Variants in CABP4 observed in about 807,000 individuals in gnomAD.
The protein encoded by CABP4 is calcium-binding protein 4.
A neutral mutation model predicts 30.7 loss-of-function variants in CABP4; 30 were observed. The observed-to-expected ratio is 0.98, with a 90% CI of 0.73 to 1.33. CABP4 has a LOEUF of 1.33. CABP4 is among the 40% of genes most tolerant of loss of function. The probability of loss-of-function intolerance (pLI) is 0.00; values close to 1 mark genes in which losing one functional copy is unlikely to be tolerated. For missense variants in CABP4, 424 were observed against 395.5 expected, an observed-to-expected ratio of 1.07 and a Z score of -0.61; for synonymous variants, 161 against 159.2, an observed-to-expected ratio of 1.01 and a Z score of -0.08.
At chr11:67,452,544 C>T (rs79423227), upstream of CABP4, 12,753 of 1,606,520 alleles carry the variant, frequency 7.9e-3, 962 homozygotes, top group East Asian at 0.2. Flanking sequence ...GTGCCAGCTC[C>T]ATGCCGGGCC....
rs1864947173 is a variant in CABP4, at chr11:67,459,561, G to C, written c.*902G>C. The C allele has an allele frequency of 6.6e-6, 1 of 152,270 alleles. No individual in the cohort carries two copies. The highest frequency in any genetic ancestry group is 1.5e-5 in the Non-Finnish European group (1 of 68,066). 9.4% of individuals were successfully genotyped at this position (152,270 alleles called of 1,614,324 possible). A position where few individuals can be genotyped will look rare whatever the true frequency, so the allele number is the denominator to read the frequency against. ...CTGCCCTAAAGAGCCTGGAACTCCAGGGCCTGCCCTTCAAGCAGGCGTGTA... is the reference window on the plus strand; with the variant it reads ...CTGCCCTAAAGAGCCTGGAACTCCACGGCCTGCCCTTCAAGCAGGCGTGTA... On this transcript the variant is annotated 3_prime_UTR_variant, in exon 6 of 6. Transcript: ENST00000325656.
Position 67,459,878 on chromosome 11 carries a change from A to G in CABP4, c.*1219A>G, listed in dbSNP as rs1864956104. On this transcript the variant is annotated 3_prime_UTR_variant, in exon 6 of 6. Coordinates refer to ENST00000325656, the MANE Select transcript of CABP4 (RefSeq NM_145200.5). ...GGCAGGAGAATCGCTTGAGCCCGGG[A>G]GGTGGAGCTGCAGTGAGCTGAGATC... 6.6e-6 allele frequency: 1 copy of G among 152,236 alleles called. No individual in the cohort carries two copies. Among genetic ancestry groups the G allele is most frequent in the Non-Finnish European group, 1.5e-5 (1 of 68,056 alleles). 9.4% of individuals were successfully genotyped at this position (152,236 alleles called of 1,614,324 possible).
rs759157298 is a variant in CABP4, at chr11:67,460,512, T to TACACACAC, written c.*1854_*1855insCACACACA. Among the ~76,000 whole-genome samples the TACACACAC allele has an allele frequency of 2.8e-5, 3 of 105,848 alleles. No homozygotes were observed. Among genetic ancestry groups the TACACACAC allele is most frequent in the African/African-American group, 1.7e-4 (3 of 17,562 alleles). The allele number at this position is 105,848 out of a possible 152,430, so 69.4% of individuals were successfully genotyped here. On this transcript the variant is annotated 3_prime_UTR_variant, in exon 6 of 6. Coordinates refer to ENST00000325656, the MANE Select transcript of CABP4 (RefSeq NM_145200.5). ...TGTTAAAAAAATAAAGTATATTTTA[T>TACACACAC]ATATACACACACACACACACACACA...
chr11:67,458,766 C>G lies in CABP4; in HGVS notation c.*107C>G. 1.5e-6 allele frequency: 2 copies of G among 1,340,620 alleles called. No individual in the cohort carries two copies. The highest frequency in any genetic ancestry group is 2.4e-5 in the South Asian group (2 of 84,434). 83.0% of individuals were successfully genotyped at this position (1,340,620 alleles called of 1,614,324 possible). A position where few individuals can be genotyped will look rare whatever the true frequency, so the allele number is the denominator to read the frequency against. On this transcript the variant is annotated 3_prime_UTR_variant, in exon 6 of 6. Transcript: ENST00000325656. ...CAGGATGGAGATGGAGACCCAGCAG[C>G]CCCCAGACTACTTCTATCCCTGAAA...
Position 67,457,686 on chromosome 11 carries a change from C to A in CABP4, c.651+4C>A. 6.4e-7 allele frequency: 1 copy of A among 1,573,576 alleles called. No homozygotes were observed. The highest frequency in any genetic ancestry group is 8.6e-7 in the Non-Finnish European group (1 of 1,159,180). ...GCTGCGCATCGCCTTCCGAGAGGTG[C>A]GGAGTGTGGTGAGGTGGGCAGAGGG... On this transcript the variant is annotated splice_donor_region_variant and intron_variant, in intron 4 of 5. Transcript: ENST00000325656.
chr11:67,457,664 G>A lies in CABP4; in HGVS notation c.633G>A (p.Leu211=). Residue 211 remains leucine (L), a synonymous_variant, in exon 4 of 6, where the codon CTG becomes CTA. Coordinates refer to ENST00000325656, the MANE Select transcript of CABP4 (RefSeq NM_145200.5). ...CGCACATGCTGGGGGTGCGAGAGCT[G>A]CGCATCGCCTTCCGAGAGGTGCGGA... ...ETAHMLGVRE[L]RIAFREFDRD... The A allele has an allele frequency of 6.3e-7, 1 of 1,595,442 alleles. No individual in the cohort carries two copies. Among genetic ancestry groups the A allele is most frequent in the South Asian group, 1.1e-5 (1 of 87,862 alleles).
rs199905413 is a variant in CABP4, at chr11:67,458,630, G to A, written c.800-1G>A. ...CCAAGCCCTGCCCTTCTCTCCCGCA[G>A]AGTTTGTGATGATGCTCTCCCGCCA... is the stretch of plus-strand genomic sequence containing the variant. On this transcript the variant is annotated splice_acceptor_variant, in intron 5 of 5. Coordinates refer to ENST00000325656, the MANE Select transcript of CABP4 (RefSeq NM_145200.5). LOFTEE classifies it high-confidence loss of function. 1 of 1,613,990 alleles carries A rather than the reference G, an allele frequency of 6.2e-7. No individual in the cohort carries two copies. Among genetic ancestry groups the A allele is most frequent in the Non-Finnish European group, 8.5e-7 (1 of 1,179,952 alleles).
At chr11:67,456,157 C>T (rs376143449) in intron 1 of CABP4, 31 bp from the exon 2 acceptor site, 1 of 1,612,884 alleles carries the variant, frequency 6.2e-7, no homozygotes, top group African/African-American at 1.3e-5. Flanking sequence ...CGTGGCTGGC[C>T]CTGGGGACAT....
chr11:67,454,288 A>G (rs1864677306), upstream of CABP4, among the ~76,000 whole-genome samples: 2 of 152,116 alleles, frequency 1.3e-5, no homozygotes, highest in Non-Finnish European at 2.9e-5. Flanking sequence ...GTGGTGGTAT[A>G]GTCTGGGGAG....
chr11:67,452,558 G>A (rs1443277578), upstream of CABP4: 25 of 1,607,600 alleles, frequency 1.6e-5, no homozygotes, highest in Non-Finnish European at 2.1e-5. Context: ...CCGGGCCTGG[G>A]AGCCGGCCAG....
Position 67,457,602 on chromosome 11 carries a change from G to T in CABP4, c.571G>T (p.Val191Leu), listed in dbSNP as rs761792228. 2 of 1,602,894 alleles carry T rather than the reference G, an allele frequency of 1.2e-6. No homozygotes were observed. ...CGGCCGTGTGGACTTTGAGGAGTTT[G>T]TAGAACTGATAGGCCCAAAGCTGAG... Reference protein sequence around the residue: ...MGGRVDFEEFVELIGPKLREE... With the variant: ...MGGRVDFEEFLELIGPKLREE... Residue 191 changes from valine to leucine, a missense_variant, in exon 4 of 6, where the codon GTA (valine) becomes TTA (leucine). Val to Leu is a conservative substitution (Grantham distance 32). Coordinates refer to ENST00000325656, the MANE Select transcript of CABP4 (RefSeq NM_145200.5).
chr11:67,454,688 A>G (rs946160910), upstream of CABP4, among the ~76,000 whole-genome samples: 3 of 152,154 alleles, frequency 2.0e-5, no homozygotes, highest in Non-Finnish European at 4.4e-5. Context: ...ACCCTGGCCC[A>G]GTAGGGCCAA....
rs546642670 is a variant in CABP4 at position 67,455,900 on chromosome 11, A to G, written c.366+111A>G. The G allele has an allele frequency of 1.1e-4, 151 of 1,413,400 alleles. No individual in the cohort carries two copies. The African/African-American group carries it at 1.9e-3, about 18-fold the overall frequency. 87.6% of individuals were successfully genotyped at this position (1,413,400 alleles called of 1,614,324 possible). A position where few individuals can be genotyped will look rare whatever the true frequency, so the allele number is the denominator to read the frequency against. ...AGGCCCTCTGCCTCTTCTGCCCCAG[A>G]CTGAGCCTGGGCTGTGGGGCAGGGT... is the stretch of plus-strand genomic sequence containing the variant. On this transcript the variant is annotated intron_variant, in intron 1 of 5. Transcript: ENST00000325656.
At position 67,458,707 on chromosome 11, in the gene CABP4, C is replaced by T. The variant is rs1440317899; in HGVS notation, c.*48C>T. The T allele has an allele frequency of 6.2e-7, 1 of 1,611,636 alleles. No individual in the cohort carries two copies. The highest frequency in any genetic ancestry group is 8.5e-7 in the Non-Finnish European group (1 of 1,179,122). On this transcript the variant is annotated 3_prime_UTR_variant, in exon 6 of 6. Coordinates refer to ENST00000325656, the MANE Select transcript of CABP4 (RefSeq NM_145200.5). ...TGCCCCTGCGGCCCCAGACACCAGC[C>T]AGACCCAGGCTGCAGGCCTCCCCCA... is the stretch of plus-strand genomic sequence containing the variant.
intron 3 of CABP4, 135 bp downstream of exon 3, chr11:67,456,577 C>A: frequency 1.7e-6 from 2 of 1,148,162 alleles, no homozygotes; most frequent in Non-Finnish European, 2.5e-6. Flanking sequence ...CAGGCAGGGG[C>A]ACCGGGTTCA....
intron 3 of CABP4, among the ~76,000 whole-genome samples, chr11:67,457,243 C>T (rs748854057): frequency 2.2e-4 from 34 of 152,172 alleles, no homozygotes; most frequent in Non-Finnish European, 4.3e-4. Context: ...AGGCTCCTCA[C>T]CCTGCTCCTA....
upstream of CABP4, chr11:67,452,488 C>G: frequency 6.2e-7 from 1 of 1,611,552 alleles, no homozygotes; most frequent in Non-Finnish European, 8.5e-7. Context: ...CTGCCAGGAA[C>G]AAGAAGTCAG....
At chr11:67,453,442 C>G (rs1390855959), upstream of CABP4, 2 of 152,214 alleles carry the variant, frequency 1.3e-5, no homozygotes, top group Admixed American at 1.3e-4. Context: ...AATCCCAGCA[C>G]TTTGGGAGGA....
rs926587486 is a variant in CABP4 at position 67,458,977 on chromosome 11, AC to A, written c.*324del. 1.9e-5 allele frequency: 9 copies of A among 468,750 alleles called. No individual in the cohort carries two copies. The highest frequency in any genetic ancestry group is 4.0e-5 in the East Asian group (1 of 24,842). 29.0% of individuals were successfully genotyped at this position (468,750 alleles called of 1,614,324 possible). A position where few individuals can be genotyped will look rare whatever the true frequency, so the allele number is the denominator to read the frequency against. On this transcript the variant is annotated 3_prime_UTR_variant, in exon 6 of 6. Coordinates refer to ENST00000325656, the MANE Select transcript of CABP4 (RefSeq NM_145200.5). ...CTGGCACTGGCAGCATTCAGTGGGG[AC>A]CCCCCAGTGGCATGATGAATGGAGA...
Sources: allele counts gnomAD v4.1 joint callset (sites outside exome capture counted in the v4.1 genomes callset), GRCh38; gene constraint gnomAD v4.1.1; transcripts MANE v1.5; gene names NCBI Gene and HGNC (gene_info 2026-07-23, HGNC 2026-07-21).